HOXD9: variants seen among roughly 807,000 people sequenced by gnomAD.
HOXD9 encodes the protein homeobox protein Hox-D9.
In HOXD9, 21 loss-of-function variants were observed where a neutral mutation model predicts 24.6. The observed-to-expected ratio is 0.85, with a 90% CI of 0.61 to 1.23. The LOEUF is 1.23. HOXD9 is among the 50% of genes most tolerant of loss of function. The pLI is 0.00. For missense variants in HOXD9, 503 were observed against 503.6 expected (o/e 1.00, Z 0.01); for synonymous variants, 240 against 226.4 (o/e 1.06, Z -0.54).
chr2:176,124,281 T>G lies in HOXD9; in HGVS notation c.*106T>G, dbSNP rs1026163691. ...TGATTTCCAGAAACTCTCCAGCGAC[T>G]TGGACTTCTTCTTCTTTTTTTTTTT... On this transcript the variant is annotated 3_prime_UTR_variant, in exon 2 of 2. Coordinates refer to ENST00000249499, the MANE Select transcript of HOXD9 (RefSeq NM_014213.4). The G allele has an allele frequency of 6.9e-7, 1 of 1,456,058 alleles. No individual in the cohort carries two copies. The highest frequency in any genetic ancestry group is 9.1e-7 in the Non-Finnish European group (1 of 1,100,318). 90.2% of individuals were successfully genotyped at this position (1,456,058 alleles called of 1,614,324 possible).
At position 176,124,270 on chromosome 2, in the gene HOXD9, T is replaced by A. The variant is rs1689934509; in HGVS notation, c.*95T>A. The A allele has an allele frequency of 2.1e-6, 3 of 1,462,504 alleles. No individual in the cohort carries two copies. Among genetic ancestry groups the A allele is most frequent in the African/African-American group, 1.4e-5 (1 of 70,034 alleles). The allele number at this position is 1,462,504 out of a possible 1,614,324, so 90.6% of individuals were successfully genotyped here. ...TGTTTGGTGCTTGATTTCCAGAAACTCTCCAGCGACTTGGACTTCTTCTTC... is the reference window on the plus strand; with the variant it reads ...TGTTTGGTGCTTGATTTCCAGAAACACTCCAGCGACTTGGACTTCTTCTTC... On this transcript the variant is annotated 3_prime_UTR_variant, in exon 2 of 2. Coordinates refer to ENST00000249499, the MANE Select transcript of HOXD9 (RefSeq NM_014213.4).
rs1222203437 is a variant in HOXD9 at position 176,123,243 on chromosome 2, G to C, written c.475G>C (p.Gly159Arg). Residue 159 changes from glycine to arginine, a missense_variant, in exon 1 of 2, where the codon GGG becomes CGG. Transcript: ENST00000249499. This position sits in a 1 kb window ranked among gnomAD's most constrained non-coding sequence, Gnocchi z 4.2. The stretch of plus-strand genomic sequence containing the variant: ...CGGCCCAGCCAACGGGCGCCACTAC[G>C]GGATTAAGCCTGAAACCCGAGCGGC... ...PSGPANGRHY[G>R]IKPETRAAPA... The C allele has an allele frequency of 8.1e-6, 12 of 1,476,142 alleles. No homozygotes were observed. The highest frequency in any genetic ancestry group is 1.1e-5 in the Non-Finnish European group (12 of 1,107,476). The allele number at this position is 1,476,142 out of a possible 1,614,324, so 91.4% of individuals were successfully genotyped here. A position where few individuals can be genotyped will look rare whatever the true frequency, so the allele number is the denominator to read the frequency against.
Position 176,122,918 on chromosome 2 carries a change from A to G in HOXD9, c.150A>G (p.Ala50=), listed in dbSNP as rs1281938692. ...GGCCAGGCGCGCAGGGCCGGCCTGC[A>G]GGTGTGGCTGATGGCCCGGCCGCCA... ...PPGPGAQGRP[A]GVADGPAATA... is the part of the protein sequence containing the mutation. The change falls in exon 1 of 2, where the codon GCA becomes GCG. Residue 50 remains alanine, a synonymous_variant. Coordinates refer to ENST00000249499, the MANE Select transcript of HOXD9 (RefSeq NM_014213.4). 3 of 1,587,060 alleles carry G rather than the reference A, an allele frequency of 1.9e-6. No individual in the cohort carries two copies. Among genetic ancestry groups the G allele is most frequent in the Non-Finnish European group, 2.6e-6 (3 of 1,168,626 alleles).
In HOXD9 at chr2:176,124,069, T is replaced by C; in HGVS notation, c.953T>C (p.Val318Ala). 1 of 1,614,054 alleles carries C rather than the reference T, an allele frequency of 6.2e-7. No homozygotes were observed. Among genetic ancestry groups the C allele is most frequent in the Non-Finnish European group, 8.5e-7 (1 of 1,180,004 alleles). Residue 318 changes from valine (V) to alanine (A), a missense_variant, in exon 2 of 2, where the codon GTG (valine) becomes GCG (alanine). Physicochemically the swap from Val to Ala is moderately conservative, Grantham distance 64. Coordinates refer to ENST00000249499, the MANE Select transcript of HOXD9 (RefSeq NM_014213.4). ...MYLTRDRRYEVARILNLTERQ... is the reference protein window; with the variant it reads ...MYLTRDRRYEAARILNLTERQ... ...CTCACCCGGGACCGGCGCTACGAGG[T>C]GGCCAGGATTCTCAACCTAACAGAG... is the stretch of plus-strand genomic sequence containing the variant.
In HOXD9 at chr2:176,122,909, C is replaced by T. The variant is rs1355939027; in HGVS notation, c.141C>T (p.Gly47=). The change falls in exon 1 of 2, where the codon GGC becomes GGT. Residue 47 remains glycine, a synonymous_variant. Coordinates refer to ENST00000249499, the MANE Select transcript of HOXD9 (RefSeq NM_014213.4). ...RFGPPGPGAQ[G]RPAGVADGPA... ...GGCCGCCGGGGCCAGGCGCGCAGGG[C>T]CGGCCTGCAGGTGTGGCTGATGGCC... 7 of 1,587,914 alleles carry T rather than the reference C, an allele frequency of 4.4e-6. No homozygotes were observed. The highest frequency in any genetic ancestry group is 6.0e-6 in the Non-Finnish European group (7 of 1,168,824).
rs573920672 is a variant in HOXD9, at chr2:176,124,933, C to T, written c.*758C>T. The T allele has an allele frequency of 1.6e-4, 24 of 152,386 alleles. No homozygotes were observed. Among genetic ancestry groups the T allele is most frequent in the African/African-American group, 5.5e-4 (23 of 41,580 alleles). The allele number at this position is 152,386 out of a possible 1,614,324, so 9.4% of individuals were successfully genotyped here. A position where few individuals can be genotyped will look rare whatever the true frequency, so the allele number is the denominator to read the frequency against. On this transcript the variant is annotated 3_prime_UTR_variant, in exon 2 of 2. Transcript: ENST00000249499. ...ATCAAATGGAGCCCAGACGCTGGCC[C>T]TAAACATTGTGTGCCTGCTTTCTCT...
rs191379716 is a variant in HOXD9, at chr2:176,123,231, G to C, written c.463G>C (p.Gly155Arg). The stretch of plus-strand genomic sequence containing the variant: ...CCCTGGCCCCAGCGGCCCAGCCAAC[G>C]GGCGCCACTACGGGATTAAGCCTGA... ...PSPGPSGPAN[G>R]RHYGIKPETR... The change falls in exon 1 of 2, where the codon GGG becomes CGG. Residue 155 changes from glycine (G) to arginine (R), a missense_variant. Gly to Arg is a moderately radical substitution (Grantham distance 125). Transcript: ENST00000249499. The surrounding 1 kb of genome is among the most constrained non-coding windows in gnomAD (Gnocchi z 4.2). 1,179 of 1,403,266 alleles carry C rather than the reference G, an allele frequency of 8.4e-4. 1 individual carries two copies. Among genetic ancestry groups the C allele is most frequent in the South Asian group, 1.7e-3 (125 of 72,844 alleles). 86.9% of individuals were successfully genotyped at this position (1,403,266 alleles called of 1,614,324 possible). A position where few individuals can be genotyped will look rare whatever the true frequency, so the allele number is the denominator to read the frequency against.
rs759699710 is a variant in HOXD9 at position 176,123,626 on chromosome 2, C to G, written c.817+41C>G. On this transcript the variant is annotated intron_variant, in intron 1 of 1. Transcript: ENST00000249499. This position sits in a 1 kb window ranked among gnomAD's most constrained non-coding sequence, Gnocchi z 4.2. ...ATTGCCCCCTGATTTATTGCTGAAA[C>G]CTGTAAGGCTCGAATGTGCAAAACT... The G allele has an allele frequency of 3.4e-6, 5 of 1,486,852 alleles. No individual in the cohort carries two copies. In the Admixed American group the frequency reaches 7.2e-5, roughly 21 times the overall value. 92.1% of individuals were successfully genotyped at this position (1,486,852 alleles called of 1,614,324 possible).
Position 176,123,050 on chromosome 2 carries a change from C to G in HOXD9, c.282C>G (p.Gly94=). Residue 94 remains glycine, a synonymous_variant, in exon 1 of 2, where the codon GGC becomes GGG. Coordinates refer to ENST00000249499, the MANE Select transcript of HOXD9 (RefSeq NM_014213.4). The surrounding 1 kb of genome is among the most constrained non-coding windows in gnomAD (Gnocchi z 4.2). ...SQPPAAAAMS[G]LYHPYVPPPP... is the part of the protein sequence containing the mutation. ...CCCCGGCAGCGGCGGCGATGAGCGG[C>G]CTCTACCACCCGTACGTTCCCCCGC... 2 of 1,580,206 alleles carry G rather than the reference C, an allele frequency of 1.3e-6. No homozygotes were observed. The highest frequency in any genetic ancestry group is 1.7e-6 in the Non-Finnish European group (2 of 1,166,874).
chr2:176,124,178 C>A lies in HOXD9; in HGVS notation c.*3C>A, dbSNP rs753660337. 1.6e-5 allele frequency: 26 copies of A among 1,601,558 alleles called. No homozygotes were observed. Among genetic ancestry groups the A allele is most frequent in the Non-Finnish European group, 2.2e-5 (26 of 1,170,624 alleles). ...AGAAATGCCCCAAAGGAGACTGACCCGGCGCGGTGCTGGCGGGAGCGCTCA... is the reference window on the plus strand; with the variant it reads ...AGAAATGCCCCAAAGGAGACTGACCAGGCGCGGTGCTGGCGGGAGCGCTCA... On this transcript the variant is annotated 3_prime_UTR_variant, in exon 2 of 2. Coordinates refer to ENST00000249499, the MANE Select transcript of HOXD9 (RefSeq NM_014213.4).
In HOXD9 at chr2:176,124,458, G is replaced by T; in HGVS notation, c.*283G>T. 1 of 266,122 alleles carries T rather than the reference G, an allele frequency of 3.8e-6. No individual in the cohort carries two copies. The highest frequency in any genetic ancestry group is 7.8e-5 in the East Asian group (1 of 12,884). The allele number at this position is 266,122 out of a possible 1,614,324, so 16.5% of individuals were successfully genotyped here. A position where few individuals can be genotyped will look rare whatever the true frequency, so the allele number is the denominator to read the frequency against. On this transcript the variant is annotated 3_prime_UTR_variant, in exon 2 of 2. Coordinates refer to ENST00000249499, the MANE Select transcript of HOXD9 (RefSeq NM_014213.4). ...CTGCTCCATTGGTTCCTTAAGAAAT[G>T]CTATATTTTGTGAGTGCAAGCTGGC...
Position 176,124,390 on chromosome 2 carries a change from C to A in HOXD9, c.*215C>A. On this transcript the variant is annotated 3_prime_UTR_variant, in exon 2 of 2. Transcript: ENST00000249499. ...TTGCTCGTTTACGTGTTGGAAAAAC[C>A]AAGTGGCTTTGGGGTTTCGCCCTAT... The A allele has an allele frequency of 5.3e-6, 3 of 568,104 alleles. No individual in the cohort carries two copies. The highest frequency in any genetic ancestry group is 3.6e-5 in the South Asian group (1 of 27,454). 35.2% of individuals were successfully genotyped at this position (568,104 alleles called of 1,614,324 possible).
chr2:176,123,894 C>A lies in HOXD9; in HGVS notation c.818-40C>A, dbSNP rs1343639073. The A allele has an allele frequency of 6.4e-7, 1 of 1,563,614 alleles. No homozygotes were observed. Among genetic ancestry groups the A allele is most frequent in the Non-Finnish European group, 8.8e-7 (1 of 1,140,922 alleles). On this transcript the variant is annotated intron_variant, in intron 1 of 1. Transcript: ENST00000249499. This position sits in a 1 kb window ranked among gnomAD's most constrained non-coding sequence, Gnocchi z 4.2. ...CCTGTGGTCTCTCCCTGCCTCCCCT[C>A]CTCTCCTCTCTCCCCGTCTCCAAAC...
At position 176,124,039 on chromosome 2, in the gene HOXD9, T is replaced by C. The variant is rs984922159; in HGVS notation, c.923T>C (p.Met308Thr). Residue 308 changes from methionine (M) to threonine (T), a missense_variant, in exon 2 of 2, where the codon ATG (methionine) becomes ACG (threonine). By Grantham distance (81) the Met-to-Thr change is moderately conservative (BLOSUM62 -1). Coordinates refer to ENST00000249499, the MANE Select transcript of HOXD9 (RefSeq NM_014213.4). ...CTGGAGAAAGAATTCCTCTTCAACA[T>C]GTACCTCACCCGGGACCGGCGCTAC... Reference protein sequence around the residue: ...LELEKEFLFNMYLTRDRRYEV... With the variant: ...LELEKEFLFNTYLTRDRRYEV... 4 of 1,614,032 alleles carry C rather than the reference T, an allele frequency of 2.5e-6. No homozygotes were observed. Among genetic ancestry groups the C allele is most frequent in the African/African-American group, 2.7e-5 (2 of 74,918 alleles).
chr2:176,123,909 C>T lies in HOXD9; in HGVS notation c.818-25C>T. ...TGCCTCCCCTCCTCTCCTCTCTCCC[C>T]GTCTCCAAACCTCCCTCTTTGTAGA... On this transcript the variant is annotated intron_variant, in intron 1 of 1. Coordinates refer to ENST00000249499, the MANE Select transcript of HOXD9 (RefSeq NM_014213.4). This position sits in a 1 kb window ranked among gnomAD's most constrained non-coding sequence, Gnocchi z 4.2. The T allele has an allele frequency of 6.3e-7, 1 of 1,595,102 alleles. No homozygotes were observed. Among genetic ancestry groups the T allele is most frequent in the South Asian group, 1.1e-5 (1 of 89,870 alleles).
At position 176,123,959 on chromosome 2, in the gene HOXD9, C is replaced by T. The variant is rs750114730; in HGVS notation, c.843C>T (p.His281=). 9.3e-6 allele frequency: 15 copies of T among 1,612,934 alleles called. No individual in the cohort carries two copies. The South Asian group carries it at 1.5e-4, about 17-fold the overall frequency. The change falls in exon 2 of 2, where the codon CAC becomes CAT. Residue 281 remains histidine, a synonymous_variant. Coordinates refer to ENST00000249499, the MANE Select transcript of HOXD9 (RefSeq NM_014213.4). This position sits in a 1 kb window ranked among gnomAD's most constrained non-coding sequence, Gnocchi z 4.2. Reference sequence around the variant, plus strand: ...ACAACCCCGCCGCGAACTGGATCCACGCTCGCTCCACCCGGAAAAAGCGCT... The same window carrying T: ...ACAACCCCGCCGCGAACTGGATCCATGCTCGCTCCACCCGGAAAAAGCGCT... ...DPNNPAANWI[H]ARSTRKKRCP...
Position 176,122,834 on chromosome 2 carries a change from G to A in HOXD9, c.66G>A (p.Val22=). 3 of 1,569,150 alleles carry A rather than the reference G, an allele frequency of 1.9e-6. No homozygotes were observed. Residue 22 remains valine, a synonymous_variant, in exon 1 of 2, where the codon GTG becomes GTA. Transcript: ENST00000249499. ...SSSGTLSNYY[V]DSLIGHEGDE... The stretch of plus-strand genomic sequence containing the variant: ...GTGGCACCCTCAGCAACTACTACGT[G>A]GACTCGCTTATAGGCCATGAGGGCG...
At position 176,122,747 on chromosome 2, in the gene HOXD9, C is replaced by G. The variant is rs749181940; in HGVS notation, c.-22C>G. Reference sequence around the variant, plus strand: ...CGGTGGCTCGGGCGCCGGCGGGGAGCTGCTCGGCGGCGGACAGTGTAATGT... The same window carrying G: ...CGGTGGCTCGGGCGCCGGCGGGGAGGTGCTCGGCGGCGGACAGTGTAATGT... On this transcript the variant is annotated 5_prime_UTR_variant, in exon 1 of 2. Transcript: ENST00000249499. The G allele has an allele frequency of 2.1e-5, 31 of 1,458,360 alleles. No homozygotes were observed. The East Asian group carries it at 7.0e-4, about 33-fold the overall frequency. The allele number at this position is 1,458,360 out of a possible 1,614,324, so 90.3% of individuals were successfully genotyped here.
At position 176,124,082 on chromosome 2, in the gene HOXD9, C is replaced by A. The variant is rs780337434; in HGVS notation, c.966C>A (p.Leu322=). The change falls in exon 2 of 2, where the codon CTC becomes CTA. Residue 322 remains leucine, a synonymous_variant. Coordinates refer to ENST00000249499, the MANE Select transcript of HOXD9 (RefSeq NM_014213.4). The part of the protein sequence containing the change: ...RDRRYEVARI[L]NLTERQVKIW... Reference sequence around the variant, plus strand: ...GGCGCTACGAGGTGGCCAGGATTCTCAACCTAACAGAGAGACAGGTCAAAA... The same window carrying A: ...GGCGCTACGAGGTGGCCAGGATTCTAAACCTAACAGAGAGACAGGTCAAAA... 6.2e-7 allele frequency: 1 copy of A among 1,614,168 alleles called. No individual in the cohort carries two copies. Among genetic ancestry groups the A allele is most frequent in the Non-Finnish European group, 8.5e-7 (1 of 1,180,028 alleles).
Sources: gnomAD v4.1 joint callset for allele counts on GRCh38, gnomAD v4.1.1 for gene constraint, Gnocchi (gnomAD v3.1) non-coding constraint, MANE v1.5 for transcripts, NCBI Gene and HGNC (gene_info 2026-07-23, HGNC 2026-07-21) for gene names.